CRPPA: variants seen among roughly 807,000 people sequenced by gnomAD.
CRPPA encodes the protein D-ribitol-5-phosphate cytidylyltransferase.
Under a neutral mutation model 52.0 loss-of-function variants are expected in CRPPA, and 43 were observed. The observed-to-expected ratio is 0.83, with a 90% CI of 0.65 to 1.07. The LOEUF is 1.07. Among genes scored for constraint, CRPPA ranks in the 50% least tolerant of loss-of-function variants. CRPPA has a pLI of 0.00. For missense variants in CRPPA, 629 were observed against 551.7 expected, an observed-to-expected ratio of 1.14 and a Z score of -1.40; for synonymous variants, 250 against 203.5, an observed-to-expected ratio of 1.23 and a Z score of -1.94.
chr7:16,400,564 C>A (rs1486838793), intron 2 of CRPPA, among the ~76,000 whole-genome samples: 2 of 152,236 alleles, frequency 1.3e-5, no homozygotes, highest in African/African-American at 4.8e-5. Context: ...CGACACTTGA[C>A]TGACACATTT....
At chr7:16,362,100 C>T (rs1161963178) in intron 3 of CRPPA, among the ~76,000 whole-genome samples, 1 of 152,116 alleles carries the variant, frequency 6.6e-6, no homozygotes, top group Non-Finnish European at 1.5e-5. Flanking sequence ...GTGATCCGCC[C>T]GCCTCAGCCT....
chr7:16,393,667 T>A (rs1246980177), intron 2 of CRPPA, among the ~76,000 whole-genome samples: 1 of 151,990 alleles, frequency 6.6e-6, no homozygotes, highest in South Asian at 2.1e-4. Context: ...AAGAAAAAAA[T>A]TTTTAAACCA....
intron 9 of CRPPA, among the ~76,000 whole-genome samples, chr7:16,120,778 T>C (rs187218866): frequency 6.6e-6 from 1 of 152,174 alleles, no homozygotes; most frequent in Admixed American, 6.5e-5. Context: ...GAAAAAAGAA[T>C]TGGTTATAAA....
At chr7:16,182,145 T>C (rs1340551476) in intron 9 of CRPPA, among the ~76,000 whole-genome samples, 3 of 152,004 alleles carry the variant, frequency 2.0e-5, no homozygotes, top group Admixed American at 6.5e-5. Context: ...CTGAAATACG[T>C]TGTTTAACAT....
chr7:16,174,584 G>A (rs975386205), intron 9 of CRPPA, among the ~76,000 whole-genome samples: 1 of 151,950 alleles, frequency 6.6e-6, no homozygotes, highest in Non-Finnish European at 1.5e-5. Flanking sequence ...TAAGGAAAAA[G>A]CATTAAATGA....
At chr7:16,124,107 C>CTT (rs35595388) in intron 9 of CRPPA, among the ~76,000 whole-genome samples, 3,613 of 133,444 alleles carry the variant, frequency 0.027, 243 homozygotes, top group East Asian at 0.26. Context: ...CAATTTCTTT[C>CTT]TTTTTTTATT....
At chr7:16,242,549 A>G (rs1453423767) in intron 8 of CRPPA, among the ~76,000 whole-genome samples, 6 of 152,192 alleles carry the variant, frequency 3.9e-5, no homozygotes, top group Non-Finnish European at 7.4e-5. Flanking sequence ...ACAGAAGGCT[A>G]ACAATAACTT....
chr7:16,215,691 G>C (rs6977264), intron 9 of CRPPA, among the ~76,000 whole-genome samples: 5,822 of 152,170 alleles, frequency 0.038, 311 homozygotes, highest in East Asian at 0.22. Flanking sequence ...GGGTTGCCAC[G>C]TAAATATAAG....
At chr7:16,317,841 T>A (rs941532539) in intron 3 of CRPPA, among the ~76,000 whole-genome samples, 9 of 152,200 alleles carry the variant, frequency 5.9e-5, no homozygotes, top group African/African-American at 2.2e-4. Context: ...TTAATGGCTA[T>A]ACCAATTTAT....
At chr7:16,337,057 CA>C (rs1257231095) in intron 3 of CRPPA, among the ~76,000 whole-genome samples, 1 of 151,940 alleles carries the variant, frequency 6.6e-6, no homozygotes, top group African/African-American at 2.4e-5. Context: ...ATCCCACTTT[CA>C]AAAATGGACC....
chr7:16,237,296 T>C (rs1486904341), intron 8 of CRPPA: 1 of 152,112 alleles, frequency 6.6e-6, no homozygotes, highest in Non-Finnish European at 1.5e-5. Context: ...CACCAGAAAT[T>C]TATTTCTCAC....
At chr7:16,341,169 A>G (rs6943098) in intron 3 of CRPPA, among the ~76,000 whole-genome samples, 6,891 of 152,232 alleles carry the variant, frequency 0.045, 510 homozygotes, top group African/African-American at 0.16. Context: ...TGGTAGATAC[A>G]TGTCATTATA....
chr7:16,088,261 C>T lies in CRPPA; in HGVS notation c.*3434G>A, dbSNP rs866349778. On this transcript the variant is annotated 3_prime_UTR_variant, in exon 10 of 10. Coordinates refer to ENST00000407010, the MANE Select transcript of CRPPA (RefSeq NM_001101426.4). ...AACCATTTTGCAACAAAATTTCCCA[C>T]AAGTGGAAGCATTTTCAGAAACCTT... The T allele has an allele frequency of 1.3e-5, 2 of 152,244 alleles. No individual in the cohort carries two copies. The highest frequency in any genetic ancestry group is 4.8e-5 in the African/African-American group (2 of 41,540). The allele number at this position is 152,244 out of a possible 1,614,324, so 9.4% of individuals were successfully genotyped here.
chr7:16,399,427 G>A (rs1429942942), intron 2 of CRPPA, among the ~76,000 whole-genome samples: 1 of 151,836 alleles, frequency 6.6e-6, no homozygotes, highest in Non-Finnish European at 1.5e-5. Context: ...TGTGACAAGT[G>A]ACAAGATTGG....
chr7:16,101,661 T>G (rs1031512522), intron 9 of CRPPA, among the ~76,000 whole-genome samples: 1 of 152,016 alleles, frequency 6.6e-6, no homozygotes, highest in Non-Finnish European at 1.5e-5. Context: ...TCACAAGCAT[T>G]CCTATACACC....
intron 6 of CRPPA, among the ~76,000 whole-genome samples, chr7:16,263,081 T>C (rs1011523205): frequency 6.6e-6 from 1 of 152,206 alleles, no homozygotes; most frequent in Non-Finnish European, 1.5e-5. Flanking sequence ...AAAAGGCAAG[T>C]ATTCCCTAAC....
intron 2 of CRPPA, among the ~76,000 whole-genome samples, chr7:16,394,312 A>T (rs1013604050): frequency 3.9e-5 from 6 of 152,240 alleles, no homozygotes; most frequent in African/African-American, 1.4e-4. Flanking sequence ...GAGTAGACTT[A>T]TATGAATACA....
intron 8 of CRPPA, among the ~76,000 whole-genome samples, chr7:16,238,205 A>C (rs556999289): frequency 3.9e-5 from 6 of 152,214 alleles, no homozygotes; most frequent in Non-Finnish European, 8.8e-5. Context: ...TATTTCAGAA[A>C]TCTAAAGTAA....
chr7:16,308,597 C>T lies in CRPPA; in HGVS notation c.715G>A (p.Glu239Lys), dbSNP rs778786691. The change falls in exon 4 of 10, where the codon GAG becomes AAG. Residue 239 changes from glutamate to lysine, a missense_variant. Physicochemically the swap from Glu to Lys is moderately conservative, Grantham distance 56. Transcript: ENST00000407010. ...CSDYDLEFGT[E>K]CLQLALKYCC... ...TATTTTAGGGCCAATTGCAAACACT[C>T]AGTTCCAAATTCCAAGTCATAGTCA... The T allele has an allele frequency of 8.7e-6, 14 of 1,609,966 alleles. No homozygotes were observed. Among genetic ancestry groups the T allele is most frequent in the Non-Finnish European group, 1.2e-5 (14 of 1,177,626 alleles).
Sources: gnomAD v4.1 joint callset for allele counts (sites outside exome capture counted in the v4.1 genomes callset) on GRCh38, gnomAD v4.1.1 for gene constraint, MANE v1.5 for transcripts, NCBI Gene and HGNC (gene_info 2026-07-23, HGNC 2026-07-21) for gene names.